The following GRIA1 variants were observed in gnomAD, a reference collection of about 807,000 sequenced individuals.
GRIA1 encodes glutamate receptor 1.
GRIA1 carries 31 observed loss-of-function variants against 99.2 expected under a neutral mutation model. The ratio of observed to expected loss-of-function variants is 0.31; its 90% CI spans 0.23 to 0.42. GRIA1 has a LOEUF of 0.42. Among genes scored for constraint, GRIA1 ranks in the 10% least tolerant of loss-of-function variants. The pLI is 1.00. For synonymous variants in GRIA1, 438 were observed against 432.4 expected (o/e 1.01, Z -0.16); for missense variants, 782 against 1,157.5 (o/e 0.68, Z 4.71).
intron 2 of GRIA1, among the ~76,000 whole-genome samples, chr5:153,509,834 ATTGT>A (rs2113300969): frequency 6.6e-6 from 1 of 152,306 alleles, no homozygotes; most frequent in Non-Finnish European, 1.5e-5. Context: ...GAGAGCTATT[ATTGT>A]TTGTTCAATT....
chr5:153,793,289 A>G (rs1439794288), intron 13 of GRIA1, among the ~76,000 whole-genome samples: 1 of 152,218 alleles, frequency 6.6e-6, no homozygotes, highest in East Asian at 1.9e-4. Flanking sequence ...CATGGGGAGC[A>G]GTCTGGGTTT....
chr5:153,698,690 C>G (rs1006983968), intron 9 of GRIA1, among the ~76,000 whole-genome samples, 177 bp from the exon 10 acceptor site: 1 of 152,150 alleles, frequency 6.6e-6, no homozygotes, highest in African/African-American at 2.4e-5. Context: ...AAGTTTGCTT[C>G]CTTAACACAA....
At chr5:153,682,378 C>A in intron 7 of GRIA1, among the ~76,000 whole-genome samples, 1 of 152,214 alleles carries the variant, frequency 6.6e-6, no homozygotes. Flanking sequence ...TGACACCTGA[C>A]AAAGATTCTT....
At chr5:153,617,056 G>A (rs1766572242) in intron 2 of GRIA1, among the ~76,000 whole-genome samples, 1 of 152,190 alleles carries the variant, frequency 6.6e-6, no homozygotes, top group South Asian at 2.1e-4. Flanking sequence ...GGTGAGTACA[G>A]CATTTCAGGC....
chr5:153,645,684 T>C (rs994551748), intron 2 of GRIA1, among the ~76,000 whole-genome samples: 3 of 152,148 alleles, frequency 2.0e-5, no homozygotes, highest in African/African-American at 7.2e-5. Flanking sequence ...CATGAAACCT[T>C]CTGGGCAATG....
At chr5:153,696,744 C>T (rs948053346) in intron 8 of GRIA1, among the ~76,000 whole-genome samples, 5 of 152,040 alleles carry the variant, frequency 3.3e-5, no homozygotes, top group African/African-American at 1.2e-4. Flanking sequence ...TTCCTTTTTC[C>T]TTTGTATCTA....
intron 2 of GRIA1, among the ~76,000 whole-genome samples, chr5:153,499,613 C>CAAAAAAAAAAAA (rs70976100): frequency 1.4e-4 from 6 of 42,118 alleles, no homozygotes; most frequent in African/African-American, 5.6e-4. Flanking sequence ...GAATTTGTCT[C>CAAAAAAAAAAAA]AAAAAAAAAA....
intron 13 of GRIA1, among the ~76,000 whole-genome samples, chr5:153,787,418 G>A (rs1451477534): frequency 6.6e-6 from 1 of 152,202 alleles, no homozygotes; most frequent in East Asian, 1.9e-4. Context: ...TACAGCCTTG[G>A]TTTCATCCCC....
At chr5:153,682,328 C>T (rs1757031087) in intron 7 of GRIA1, among the ~76,000 whole-genome samples, 1 of 152,166 alleles carries the variant, frequency 6.6e-6, no homozygotes. Context: ...TCAGGACTGC[C>T]TTTCAGGATC....
intron 2 of GRIA1, among the ~76,000 whole-genome samples, chr5:153,544,285 GA>G (rs1581205486): frequency 6.6e-6 from 1 of 152,120 alleles, no homozygotes; most frequent in East Asian, 1.9e-4. Flanking sequence ...TCCCAGGGGA[GA>G]TACTATTATC....
intron 11 of GRIA1, among the ~76,000 whole-genome samples, chr5:153,726,942 AT>A: frequency 6.6e-6 from 1 of 152,358 alleles, no homozygotes; most frequent in East Asian, 1.9e-4. Flanking sequence ...AAAAAAGAGA[AT>A]TTTAGACCAA....
chr5:153,733,672 T>C (rs914864976), intron 11 of GRIA1, among the ~76,000 whole-genome samples: 1 of 152,110 alleles, frequency 6.6e-6, no homozygotes, highest in African/African-American at 2.4e-5. Context: ...GAAAAAGATA[T>C]TTCATACAAT....
Position 153,610,225 on chromosome 5 carries a change from T to C in GRIA1, c.221-36703T>C, listed in dbSNP as rs557656854. 3.9e-5 allele frequency among the ~76,000 whole-genome samples: 6 copies of C among 152,014 alleles called. No homozygotes were observed. The South Asian group carries it at 1.2e-3, about 32-fold the overall frequency. Reference sequence around the variant, plus strand: ...CAGATAGTGTGTATCTCCCAGGGAGTGTGAAGTCCACTTTCCAAAGCAACT... The same window carrying C: ...CAGATAGTGTGTATCTCCCAGGGAGCGTGAAGTCCACTTTCCAAAGCAACT... On this transcript the variant is annotated intron_variant, in intron 2 of 15. Transcript: ENST00000285900.
At chr5:153,740,769 T>C (rs1358698981) in intron 11 of GRIA1, among the ~76,000 whole-genome samples, 2 of 152,132 alleles carry the variant, frequency 1.3e-5, no homozygotes, top group African/African-American at 4.8e-5. Context: ...GTGATGTGTG[T>C]CACTACTGAG....
chr5:153,735,759 G>T (rs1761338107), intron 11 of GRIA1, among the ~76,000 whole-genome samples: 1 of 152,180 alleles, frequency 6.6e-6, no homozygotes, highest in East Asian at 1.9e-4. Context: ...AAACCAATAG[G>T]ATTTCTGGTC....
At chr5:153,709,078 G>A (rs547694421) in intron 11 of GRIA1, among the ~76,000 whole-genome samples, 3 of 152,334 alleles carry the variant, frequency 2.0e-5, no homozygotes, top group African/African-American at 7.2e-5. Flanking sequence ...AAAAACACAA[G>A]GATGCTAAGA....
chr5:153,515,693 A>T (rs1263673800), intron 2 of GRIA1, among the ~76,000 whole-genome samples: 1 of 152,244 alleles, frequency 6.6e-6, no homozygotes, highest in African/African-American at 2.4e-5. Context: ...GCCACAATGT[A>T]TATGTCTATC....
intron 2 of GRIA1, among the ~76,000 whole-genome samples, chr5:153,627,213 CA>C (rs1767714341): frequency 6.6e-6 from 1 of 152,168 alleles, no homozygotes; most frequent in African/African-American, 2.4e-5. Context: ...TAGTCATTTA[CA>C]GGGCCAGGAA....
intron 13 of GRIA1, among the ~76,000 whole-genome samples, chr5:153,781,104 C>T (rs1383853090): frequency 6.6e-6 from 1 of 152,214 alleles, no homozygotes; most frequent in East Asian, 1.9e-4. Context: ...AAGATCATGG[C>T]TTAACAATCA....
Sources: gnomAD v4.1 joint callset for allele counts (sites outside exome capture counted in the v4.1 genomes callset) on GRCh38, gnomAD v4.1.1 for gene constraint, MANE v1.5 for transcripts, NCBI Gene and HGNC (gene_info 2026-07-23, HGNC 2026-07-21) for gene names.